Variants in ADGRD2 observed in about 807,000 individuals in gnomAD.
ADGRD2 encodes G protein-coupled receptor PGR24.
Under a neutral mutation model 44.4 loss-of-function variants are expected in ADGRD2, and 71 were observed. That is an observed-to-expected ratio of 1.60 (90% CI 1.32 to 1.95). ADGRD2 has a LOEUF of 1.95. Ranked by LOEUF, ADGRD2 falls within the 30% of genes most tolerant of loss-of-function variation. The pLI, the probability that ADGRD2 is intolerant of heterozygous loss-of-function variation, is 0.00. For missense variants in ADGRD2, 1,039 were observed against 512.4 expected (o/e 2.03, Z -9.92); for synonymous variants, 481 against 224.8 (o/e 2.14, Z -10.19).
chr9:124,470,945 G>A (rs1831935132), intron 17 of ADGRD2, among the ~76,000 whole-genome samples: 1 of 152,258 alleles, frequency 6.6e-6, no homozygotes, highest in Non-Finnish European at 1.5e-5. Flanking sequence ...GAGCCACTTA[G>A]TTCTTGCCAG....
At position 124,462,949 on chromosome 9, in the gene ADGRD2, T is replaced by C. The variant is rs547483862; in HGVS notation, c.1871-3309T>C. 1.5e-3 allele frequency among the ~76,000 whole-genome samples: 218 copies of C among 150,204 alleles called. 1 individual carries two copies. The highest frequency in any genetic ancestry group is 5.1e-3 in the African/African-American group (207 of 40,540). On this transcript the variant is annotated intron_variant, in intron 10 of 21. Transcript: ENST00000334810. ...TCTCTCTCTCTTTCTCTCTCTCTCC[T>C]TCCTTCCTTCATTCCTTCCTTTCTT...
intron 10 of ADGRD2, chr9:124,465,959 A>G: frequency 4.1e-6 from 1 of 241,616 alleles, no homozygotes. Flanking sequence ...AGCAGGCTCC[A>G]GGGATTATCC....
At chr9:124,477,361 C>G (rs1404837377) in intron 21 of ADGRD2, among the ~76,000 whole-genome samples, 2 of 152,234 alleles carry the variant, frequency 1.3e-5, no homozygotes, top group East Asian at 3.8e-4. Context: ...GAAACCCACA[C>G]GCCTCAGCCT....
intron 10 of ADGRD2, among the ~76,000 whole-genome samples, chr9:124,461,774 G>A (rs2131241621): frequency 6.6e-6 from 1 of 151,110 alleles, no homozygotes; most frequent in South Asian, 2.1e-4. Context: ...TTGAGATGGA[G>A]TCTCACTCTG....
intron 17 of ADGRD2, among the ~76,000 whole-genome samples, chr9:124,472,676 T>C (rs1372826435): frequency 6.6e-6 from 1 of 151,970 alleles, no homozygotes; most frequent in Non-Finnish European, 1.5e-5. Flanking sequence ...CTGGATAATT[T>C]TCTTATTTTT....
intron 11 of ADGRD2, chr9:124,466,676 G>T: frequency 7.3e-6 from 2 of 274,674 alleles, no homozygotes. Context: ...CAGGTGTGGT[G>T]GCTCGTGCCT....
intron 14 of ADGRD2, among the ~76,000 whole-genome samples, chr9:124,468,876 A>G (rs948671452): frequency 6.6e-6 from 1 of 151,432 alleles, no homozygotes; most frequent in Non-Finnish European, 1.5e-5. Context: ...TTAACCTCCA[A>G]TTTACCCATC....
intron 17 of ADGRD2, among the ~76,000 whole-genome samples, chr9:124,473,507 A>G (rs750106082): frequency 1.1e-4 from 16 of 152,220 alleles, no homozygotes; most frequent in Admixed American, 4.6e-4. Context: ...AAGGCTACGC[A>G]CAATCCCTGG....
At chr9:124,469,001 T>G (rs1306840527) in intron 14 of ADGRD2, among the ~76,000 whole-genome samples, 2 of 152,178 alleles carry the variant, frequency 1.3e-5, no homozygotes, top group African/African-American at 4.8e-5. Flanking sequence ...GACGCCCAGC[T>G]GTAGCCTCCA....
chr9:124,469,834 G>T (rs774890328), intron 16 of ADGRD2, among the ~76,000 whole-genome samples: 1 of 152,254 alleles, frequency 6.6e-6, no homozygotes, highest in Admixed American at 6.5e-5. Context: ...TGTTCAAGGA[G>T]TGCACTGTCT....
chr9:124,476,969 C>T (rs1328928336), intron 21 of ADGRD2: 1 of 688,066 alleles, frequency 1.5e-6, no homozygotes, highest in African/African-American at 1.8e-5. Flanking sequence ...CACAACCTGC[C>T]TCCCTCTGTC....
At chr9:124,452,001 C>G, upstream of ADGRD2, 5 of 319,564 alleles carry the variant, frequency 1.6e-5, no homozygotes, top group South Asian at 2.3e-5. Context: ...CTGAATGCCC[C>G]CCTCCCACCC....
chr9:124,470,375 G>A (rs1210615357), intron 16 of ADGRD2, 119 bp from the exon 20 acceptor site: 3 of 600,876 alleles, frequency 5.0e-6, no homozygotes, highest in Middle Eastern at 4.3e-4. Context: ...GCTGAGCCAT[G>A]GTCCCGGCCC....
chr9:124,457,506 C>T (rs1831640671), exon 8 of ADGRD2: 2 of 676,504 alleles, frequency 3.0e-6, no homozygotes, highest in African/African-American at 3.5e-5. Context: ...TGAGGGAGGC[C>T]AGCACGAGGG....
intron 19 of ADGRD2, 75 bp downstream of exon 22, chr9:124,475,690 T>C: frequency 1.7e-6 from 1 of 573,354 alleles, no homozygotes; most frequent in Non-Finnish European, 3.1e-6. Flanking sequence ...TATCCTCTCC[T>C]TTAAGTCCCG....
Position 124,460,401 on chromosome 9 carries a change from A to T in ADGRD2, c.1870+1680A>T, listed in dbSNP as rs531719772. On this transcript the variant is annotated intron_variant, in intron 10 of 21. Transcript: ENST00000334810. ...ATATATATATATATTTTTTTTTAGT[A>T]GAGATGGGGTTTCTCCATGTTGATC... Among the ~76,000 whole-genome samples the T allele has an allele frequency of 3.5e-5, 5 of 143,062 alleles. No individual in the cohort carries two copies. The South Asian group carries it at 1.1e-3, about 33-fold the overall frequency. 93.9% of individuals were successfully genotyped at this position (143,062 alleles called of 152,430 possible).
exon 15 of ADGRD2, chr9:124,469,347 G>A (rs201275572): frequency 4.3e-5 from 31 of 718,204 alleles, no homozygotes; most frequent in Non-Finnish European, 6.5e-5. Flanking sequence ...TGTGCTCTTC[G>A]TGCTGACTGT....
intron 17 of ADGRD2, among the ~76,000 whole-genome samples, chr9:124,475,137 C>T (rs930433920): frequency 2.2e-4 from 34 of 152,246 alleles, no homozygotes; most frequent in Admixed American, 2.2e-3. Context: ...CATGGCGAGG[C>T]GGTGAGGATG....
chr9:124,455,021 A>G (rs1220700764), exon 6 of ADGRD2: 1 of 718,228 alleles, frequency 1.4e-6, no homozygotes, highest in Non-Finnish European at 2.6e-6. Flanking sequence ...GGGGACCCAG[A>G]GCTGTTGTTG....
Sources: allele counts gnomAD v4.1 joint callset (sites outside exome capture counted in the v4.1 genomes callset), GRCh38; gene constraint gnomAD v4.1.1; transcripts MANE v1.5; gene names NCBI Gene and HGNC (gene_info 2026-07-23, HGNC 2026-07-21).